Variants in LRP1B observed in about 807,000 individuals in gnomAD.
LRP1B encodes low-density lipoprotein receptor-related protein 1B.
A neutral mutation model predicts 556.6 loss-of-function variants in LRP1B; 217 were observed. The ratio of observed to expected loss-of-function variants is 0.39; its 90% CI spans 0.35 to 0.44. The LOEUF is 0.44. Among genes scored for constraint, LRP1B ranks in the 20% least tolerant of loss-of-function variants. The probability of loss-of-function intolerance (pLI) is 1.00; values close to 1 mark genes in which losing one functional copy is unlikely to be tolerated. For missense variants in LRP1B, 5,053 were observed against 5,620.8 expected, an observed-to-expected ratio of 0.90 and a Z score of 3.23; for synonymous variants, 2,047 against 1,865.8, an observed-to-expected ratio of 1.10 and a Z score of -2.50.
intron 3 of LRP1B, among the ~76,000 whole-genome samples, chr2:141,324,510 C>A (rs999419231): frequency 1.3e-5 from 2 of 151,966 alleles, no homozygotes; most frequent in African/African-American, 4.8e-5. Context: ...TCAGTTATAT[C>A]AAGGATTCTG....
intron 41 of LRP1B, among the ~76,000 whole-genome samples, chr2:140,649,799 A>G (rs929375362): frequency 3.9e-5 from 6 of 152,198 alleles, no homozygotes; most frequent in Non-Finnish European, 4.4e-5. Context: ...TTTATCTCTC[A>G]ACCAGTTTTA....
chr2:141,237,568 T>C (rs1683694315), intron 5 of LRP1B, among the ~76,000 whole-genome samples: 1 of 152,116 alleles, frequency 6.6e-6, no homozygotes, highest in South Asian at 2.1e-4. Flanking sequence ...CTGATAAACC[T>C]GAATTAAGCA....
intron 3 of LRP1B, among the ~76,000 whole-genome samples, chr2:141,434,998 T>C (rs1032334050): frequency 2.8e-5 from 4 of 145,264 alleles, no homozygotes; most frequent in Admixed American, 1.3e-4. Context: ...AGCTTAAAGC[T>C]GTACCATAGA....
chr2:141,282,153 AC>A (rs1315129292), intron 3 of LRP1B, among the ~76,000 whole-genome samples: 1 of 152,068 alleles, frequency 6.6e-6, no homozygotes, highest in Non-Finnish European at 1.5e-5. Flanking sequence ...TAATAGAGTT[AC>A]CAGCTGTGCC....
At chr2:140,891,890 T>A (rs1375903092) in intron 23 of LRP1B, among the ~76,000 whole-genome samples, 1 of 152,162 alleles carries the variant, frequency 6.6e-6, no homozygotes. Flanking sequence ...TCTGGATTTT[T>A]AAAATATATC....
At chr2:141,167,410 G>C (rs765487936) in intron 7 of LRP1B, 1 of 151,480 alleles carries the variant, frequency 6.6e-6, no homozygotes, top group South Asian at 2.1e-4. Context: ...TCCAATAATC[G>C]TGTCTATATA....
intron 41 of LRP1B, among the ~76,000 whole-genome samples, chr2:140,678,315 A>T (rs1401434556): frequency 6.6e-6 from 1 of 152,000 alleles, no homozygotes; most frequent in Non-Finnish European, 1.5e-5. Context: ...TTCTCTCATA[A>T]AATATCTTTC....
intron 2 of LRP1B, among the ~76,000 whole-genome samples, chr2:141,563,409 A>G (rs1686230509): frequency 6.6e-6 from 1 of 152,010 alleles, no homozygotes; most frequent in Admixed American, 6.6e-5. Flanking sequence ...CTCCAAGTAC[A>G]CTCCTCTTTA....
intron 7 of LRP1B, among the ~76,000 whole-genome samples, chr2:141,129,123 G>A (rs1309243316): frequency 6.6e-6 from 1 of 152,000 alleles, no homozygotes; most frequent in Non-Finnish European, 1.5e-5. Flanking sequence ...CTTTAATAAA[G>A]ATTTACTTGC....
At chr2:141,197,355 A>G (rs978171088) in intron 6 of LRP1B, among the ~76,000 whole-genome samples, 3 of 152,040 alleles carry the variant, frequency 2.0e-5, no homozygotes, top group East Asian at 3.9e-4. Context: ...CTTATCTTAG[A>G]TTTTTACTTA....
intron 32 of LRP1B, among the ~76,000 whole-genome samples, chr2:140,781,854 C>T (rs1689710067): frequency 6.6e-6 from 1 of 152,174 alleles, no homozygotes. Flanking sequence ...GATAGAATGA[C>T]ATGATTTTGT....
At chr2:141,131,565 A>G (rs1463880156) in intron 7 of LRP1B, among the ~76,000 whole-genome samples, 1 of 151,648 alleles carries the variant, frequency 6.6e-6, no homozygotes, top group Non-Finnish European at 1.5e-5. Flanking sequence ...CCATTATTTT[A>G]CATTCTATAC....
chr2:141,378,536 C>T (rs1007589811), intron 3 of LRP1B, among the ~76,000 whole-genome samples: 1 of 152,108 alleles, frequency 6.6e-6, no homozygotes, highest in African/African-American at 2.4e-5. Context: ...CATGGTAGCT[C>T]ATGCCTGTTG....
At chr2:141,148,364 C>T (rs1701837076) in intron 7 of LRP1B, among the ~76,000 whole-genome samples, 1 of 151,564 alleles carries the variant, frequency 6.6e-6, no homozygotes, top group Non-Finnish European at 1.5e-5. Flanking sequence ...AGGCAATAAT[C>T]AATTTGTGCA....
chr2:141,167,267 G>A (rs1680310654), intron 7 of LRP1B: 1 of 151,770 alleles, frequency 6.6e-6, no homozygotes, highest in Non-Finnish European at 1.5e-5. Flanking sequence ...TAATGTATGG[G>A]ATGCCTCACA....
intron 7 of LRP1B, among the ~76,000 whole-genome samples, chr2:141,172,681 C>G (rs1458005193): frequency 1.3e-5 from 2 of 151,932 alleles, no homozygotes; most frequent in Non-Finnish European, 2.9e-5. Flanking sequence ...TTCTTTAAAT[C>G]ATGCAATATT....
At chr2:141,022,863 T>C (rs948606146) in intron 11 of LRP1B, among the ~76,000 whole-genome samples, 1 of 152,024 alleles carries the variant, frequency 6.6e-6, no homozygotes, top group Non-Finnish European at 1.5e-5. Flanking sequence ...TCATATTTTC[T>C]ACTATTTATT....
At chr2:141,962,608 T>C (rs1004972839) in intron 1 of LRP1B, among the ~76,000 whole-genome samples, 1 of 151,794 alleles carries the variant, frequency 6.6e-6, no homozygotes, top group Non-Finnish European at 1.5e-5. Context: ...AGAAATAGGA[T>C]TCAAAAGTAT....
chr2:140,986,558 T>C (rs1443620655), intron 17 of LRP1B, among the ~76,000 whole-genome samples: 1 of 152,146 alleles, frequency 6.6e-6, no homozygotes, highest in Non-Finnish European at 1.5e-5. Flanking sequence ...GCTGGAACTG[T>C]CACTTAGGAA....
Sources: allele counts gnomAD v4.1 joint callset (sites outside exome capture counted in the v4.1 genomes callset), GRCh38; gene constraint gnomAD v4.1.1; transcripts MANE v1.5; gene names NCBI Gene and HGNC (gene_info 2026-07-23, HGNC 2026-07-21).